MCM5: variants seen among roughly 807,000 people sequenced by gnomAD.
MCM5 encodes the protein DNA replication licensing factor MCM5.
Under a neutral mutation model 79.9 loss-of-function variants are expected in MCM5, and 46 were observed. The observed-to-expected ratio is 0.58, with a 90% CI of 0.45 to 0.74. The LOEUF is 0.74. Among genes scored for constraint, MCM5 ranks in the 30% least tolerant of loss-of-function variants. MCM5 has a pLI of 0.00. For synonymous variants in MCM5, 404 were observed against 390.5 expected (o/e 1.03, Z -0.41); for missense variants, 883 against 1,017.0 (o/e 0.87, Z 1.79).
At chr22:35,433,510 A>G in the MCM5 span, among the ~76,000 whole-genome samples, 1 of 151,924 alleles carries the variant, frequency 6.6e-6, no homozygotes, top group Non-Finnish European at 1.5e-5. Flanking sequence ...TCCTCTCCTA[A>G]CCCAGGTTGC....
chr22:35,423,463 A>G, intron 16 of MCM5, 122 bp downstream of exon 16: 1 of 1,121,894 alleles, frequency 8.9e-7, no homozygotes, highest in Non-Finnish European at 1.2e-6. Context: ...TAGGATGGAC[A>G]ACTGTCCCTT....
At chr22:35,406,382 G>T (rs369758187) in intron 4 of MCM5, among the ~76,000 whole-genome samples, 171 bp from the exon 5 acceptor site, 9 of 147,158 alleles carry the variant, frequency 6.1e-5, no homozygotes, top group African/African-American at 2.2e-4. Flanking sequence ...AGATAGCCTG[G>T]CACTGGGTGG....
At chr22:35,402,561 T>G (rs1164306371) in intron 2 of MCM5, among the ~76,000 whole-genome samples, 1 of 145,022 alleles carries the variant, frequency 6.9e-6, no homozygotes, top group Non-Finnish European at 1.5e-5. Context: ...ACCTTTTTGG[T>G]TTTTTTTTTT....
chr22:35,447,205 T>A, the MCM5 span, among the ~76,000 whole-genome samples: 1 of 152,118 alleles, frequency 6.6e-6, no homozygotes, highest in Admixed American at 6.5e-5. Context: ...TGAAGCTGTG[T>A]GGGAAAGTGC....
chr22:35,444,790 G>T, the MCM5 span, among the ~76,000 whole-genome samples: 1 of 152,200 alleles, frequency 6.6e-6, no homozygotes, highest in Non-Finnish European at 1.5e-5. Flanking sequence ...GAGGTGGGAG[G>T]ATTGCTTGAG....
chr22:35,402,995 TTCTTTA>T (rs1423889155), intron 2 of MCM5, among the ~76,000 whole-genome samples: 1 of 152,132 alleles, frequency 6.6e-6, no homozygotes, highest in Admixed American at 6.5e-5. Flanking sequence ...CCATGGAGCT[TTCTTTA>T]GGGCATGCCT....
At chr22:35,429,598 G>C (rs1411537842), downstream of MCM5, among the ~76,000 whole-genome samples, 1 of 151,474 alleles carries the variant, frequency 6.6e-6, no homozygotes, top group Non-Finnish European at 1.5e-5. Context: ...GCAGTGGCTT[G>C]CTCTCTTGGC....
intron 9 of MCM5, among the ~76,000 whole-genome samples, chr22:35,414,600 C>T (rs1932486232): frequency 6.6e-6 from 1 of 151,878 alleles, no homozygotes; most frequent in Admixed American, 6.6e-5. Flanking sequence ...GCCTGGGTGA[C>T]AGAGTGAGAC....
At chr22:35,438,911 TC>T in the MCM5 span, among the ~76,000 whole-genome samples, 1 of 90,734 alleles carries the variant, frequency 1.1e-5, no homozygotes, top group African/African-American at 4.7e-5. Flanking sequence ...ATCCATCCAC[TC>T]ACATATTCAT....
chr22:35,418,705 A>ACACACACT (rs1231601535), intron 13 of MCM5, among the ~76,000 whole-genome samples: 1 of 151,710 alleles, frequency 6.6e-6, no homozygotes, highest in African/African-American at 2.4e-5. Flanking sequence ...ACACACACAC[A>ACACACACT]CACACTCACT....
rs150647838 is a variant in MCM5, at chr22:35,412,043, A to T, written c.920-467A>T. 3.9e-3 allele frequency among the ~76,000 whole-genome samples: 598 copies of T among 151,944 alleles called. 7 individuals carry two copies. The highest frequency in any genetic ancestry group is 0.013 in the African/African-American group (558 of 41,402). ...AACTCTGGCCAGCTCCACCTTTAAA[A>T]CGTGTCCAGGATCTGACCACTTCTC... is the stretch of plus-strand genomic sequence containing the variant. On this transcript the variant is annotated intron_variant, in intron 7 of 16. Transcript: ENST00000216122.
At chr22:35,436,219 G>A in the MCM5 span, among the ~76,000 whole-genome samples, 3 of 148,912 alleles carry the variant, frequency 2.0e-5, no homozygotes, top group East Asian at 2.0e-4. Context: ...GGCTAGCCCC[G>A]ATGGGTCCAA....
At chr22:35,453,628 GAGAC>G in the MCM5 span, among the ~76,000 whole-genome samples, 3 of 151,452 alleles carry the variant, frequency 2.0e-5, no homozygotes, top group South Asian at 4.2e-4. Flanking sequence ...GATAAAGACA[GAGAC>G]AGAGGGACAG....
chr22:35,411,299 AGTG>A (rs67566545), intron 7 of MCM5: 6,840 of 169,000 alleles, frequency 0.04, 466 homozygotes, highest in African/African-American at 0.15. Flanking sequence ...ATGTGGGTAA[AGTG>A]GTGGCTGTTG....
At chr22:35,422,295 C>G (rs1266471564) in intron 15 of MCM5, 1 of 153,148 alleles carries the variant, frequency 6.5e-6, no homozygotes, top group Non-Finnish European at 1.5e-5. Flanking sequence ...CGTGCTCTTT[C>G]CCATGGAGTG....
At chr22:35,447,504 A>G in the MCM5 span, among the ~76,000 whole-genome samples, 1 of 151,784 alleles carries the variant, frequency 6.6e-6, no homozygotes. Flanking sequence ...ACAGAGTCGT[A>G]TTCTGTTGCC....
intron 16 of MCM5, 50 bp downstream of exon 16, chr22:35,423,391 T>C: frequency 1.3e-5 from 20 of 1,538,998 alleles, no homozygotes; most frequent in Non-Finnish European, 1.8e-5. Context: ...GTGCAGGTCT[T>C]CTGCTGGTTC....
the MCM5 span, among the ~76,000 whole-genome samples, chr22:35,446,821 A>G: frequency 3.2e-5 from 3 of 94,102 alleles, no homozygotes. Context: ...ATCCTTTCTG[A>G]GAGTCTTTTC....
chr22:35,415,039 G>A (rs1178458234), intron 9 of MCM5, among the ~76,000 whole-genome samples: 1 of 152,152 alleles, frequency 6.6e-6, no homozygotes, highest in African/African-American at 2.4e-5. Flanking sequence ...ACCCATGTAT[G>A]TCTTCTCAGA....
Sources: gnomAD v4.1 joint callset for allele counts (sites outside exome capture counted in the v4.1 genomes callset) on GRCh38, gnomAD v4.1.1 for gene constraint, MANE v1.5 for transcripts, NCBI Gene and HGNC (gene_info 2026-07-23, HGNC 2026-07-21) for gene names.